The following NEK7 variants were observed in gnomAD, a reference collection of about 807,000 sequenced individuals.
NEK7 encodes the protein serine/threonine-protein kinase Nek7.
In NEK7, 18 loss-of-function variants were observed where a neutral mutation model predicts 44.6. The observed-to-expected ratio is 0.40, with a 90% CI of 0.28 to 0.60. NEK7 has a LOEUF of 0.60. Among genes scored for constraint, NEK7 ranks in the 20% least tolerant of loss-of-function variants. NEK7 has a pLI of 0.38. For missense variants in NEK7, 256 were observed against 366.5 expected, an observed-to-expected ratio of 0.70 and a Z score of 2.46; for synonymous variants, 130 against 121.1, an observed-to-expected ratio of 1.07 and a Z score of -0.48.
chr1:198,260,449 T>C (rs948861669), intron 3 of NEK7, among the ~76,000 whole-genome samples: 3 of 152,120 alleles, frequency 2.0e-5, no homozygotes, highest in Admixed American at 6.6e-5. Context: ...CTTTCCTTGC[T>C]GTTGTTTCAT....
At chr1:198,210,704 A>G (rs1420722033) in intron 1 of NEK7, among the ~76,000 whole-genome samples, 3 of 146,280 alleles carry the variant, frequency 2.1e-5, no homozygotes, top group Non-Finnish European at 4.5e-5. Context: ...TAGGCTATCA[A>G]CTGTATTATA....
At chr1:198,266,753 CAT>C (rs1394066756) in intron 5 of NEK7, among the ~76,000 whole-genome samples, 3 of 152,042 alleles carry the variant, frequency 2.0e-5, no homozygotes, top group African/African-American at 7.2e-5. Flanking sequence ...TTTTTAAAGA[CAT>C]ATGTACAAAT....
chr1:198,281,951 G>C (rs1310083617), intron 7 of NEK7, among the ~76,000 whole-genome samples: 1 of 152,038 alleles, frequency 6.6e-6, no homozygotes, highest in African/African-American at 2.4e-5. Flanking sequence ...ACATAGCATA[G>C]TAGTAATTCC....
At chr1:198,173,194 C>T (rs1373454508) in intron 1 of NEK7, among the ~76,000 whole-genome samples, 2 of 151,834 alleles carry the variant, frequency 1.3e-5, no homozygotes, top group Non-Finnish European at 2.9e-5. Context: ...TTTGGGAGGC[C>T]GAAGTGGGAG....
intron 2 of NEK7, among the ~76,000 whole-genome samples, chr1:198,242,473 C>CT (rs35704352): frequency 0.034 from 3,659 of 107,064 alleles, 199 homozygotes; most frequent in Admixed American, 0.15. Flanking sequence ...TCTCAGCTCA[C>CT]TTTTTTTTTT....
intron 7 of NEK7, among the ~76,000 whole-genome samples, chr1:198,291,142 G>A (rs991201808): frequency 4.6e-5 from 7 of 152,060 alleles, no homozygotes; most frequent in Non-Finnish European, 8.8e-5. Flanking sequence ...GTTTCCCAGA[G>A]CTACTGGTTA....
chr1:198,200,155 GT>G (rs1362981305), intron 1 of NEK7, among the ~76,000 whole-genome samples: 2 of 152,126 alleles, frequency 1.3e-5, no homozygotes, highest in Non-Finnish European at 2.9e-5. Context: ...CTATTGTTTT[GT>G]GGACAGTGCA....
intron 1 of NEK7, among the ~76,000 whole-genome samples, chr1:198,185,675 T>C (rs72751004): frequency 0.046 from 7,038 of 152,296 alleles, 259 homozygotes; most frequent in Middle Eastern, 0.071. Context: ...ACCTCCCATC[T>C]ATAGGTAGTG....
chr1:198,299,591 T>G (rs774742185), intron 9 of NEK7, among the ~76,000 whole-genome samples: 5 of 152,186 alleles, frequency 3.3e-5, no homozygotes, highest in Non-Finnish European at 4.4e-5. Context: ...GCTACAATGA[T>G]AACAGAGTGT....
intron 9 of NEK7, among the ~76,000 whole-genome samples, chr1:198,318,500 T>C (rs1655439732): frequency 6.6e-6 from 1 of 152,216 alleles, no homozygotes; most frequent in South Asian, 2.1e-4. Flanking sequence ...TGTGCTAATT[T>C]AAAAATTTAC....
chr1:198,306,231 C>G (rs1655022835), intron 9 of NEK7, among the ~76,000 whole-genome samples: 1 of 152,050 alleles, frequency 6.6e-6, no homozygotes. Flanking sequence ...AGCATTGGAA[C>G]TAGCATTTAG....
intron 1 of NEK7, among the ~76,000 whole-genome samples, chr1:198,201,331 G>A (rs1304987582): frequency 6.6e-6 from 1 of 152,022 alleles, no homozygotes. Flanking sequence ...TGTTTTATTA[G>A]TTTCATTTGA....
At chr1:198,180,226 C>T (rs1664726418) in intron 1 of NEK7, among the ~76,000 whole-genome samples, 1 of 151,362 alleles carries the variant, frequency 6.6e-6, no homozygotes, top group South Asian at 2.1e-4. Context: ...TAAAAGTAAG[C>T]ATTCAGTTTG....
chr1:198,205,151 A>G (rs924198297), intron 1 of NEK7, among the ~76,000 whole-genome samples: 8 of 152,330 alleles, frequency 5.3e-5, no homozygotes, highest in African/African-American at 1.2e-4. Context: ...GGCACTGAGC[A>G]TGAGCTGCTT....
chr1:198,244,682 T>A (rs188809431), intron 2 of NEK7, among the ~76,000 whole-genome samples: 10 of 152,260 alleles, frequency 6.6e-5, no homozygotes, highest in Non-Finnish European at 1.2e-4. Context: ...TCTACTAGAT[T>A]CTACTTAGAG....
intron 1 of NEK7, among the ~76,000 whole-genome samples, chr1:198,169,003 C>T (rs1239943576): frequency 6.6e-6 from 1 of 152,186 alleles, no homozygotes; most frequent in Non-Finnish European, 1.5e-5. Flanking sequence ...AAAGATTATT[C>T]TGAGATTTCT....
intron 5 of NEK7, among the ~76,000 whole-genome samples, chr1:198,272,673 T>G (rs1195110207): frequency 6.6e-6 from 1 of 151,910 alleles, no homozygotes; most frequent in African/African-American, 2.4e-5. Context: ...AGAAAACATT[T>G]TAAGTATTTC....
chr1:198,273,079 C>A (rs1653904578), intron 5 of NEK7, among the ~76,000 whole-genome samples: 1 of 151,556 alleles, frequency 6.6e-6, no homozygotes, highest in African/African-American at 2.4e-5. Context: ...TATTTATATT[C>A]TATTATAATC....
chr1:198,158,053 C>A (rs138822835), intron 1 of NEK7, among the ~76,000 whole-genome samples: 1 of 152,172 alleles, frequency 6.6e-6, no homozygotes, highest in South Asian at 2.1e-4. Context: ...TAAAGAACTT[C>A]TGTTGCCTCT....
Sources: gnomAD v4.1 joint callset for allele counts (sites outside exome capture counted in the v4.1 genomes callset) on GRCh38, gnomAD v4.1.1 for gene constraint, MANE v1.5 for transcripts, NCBI Gene and HGNC (gene_info 2026-07-23, HGNC 2026-07-21) for gene names.